The following FHIT variants were observed in gnomAD, a reference collection of about 807,000 sequenced individuals.
FHIT encodes bis(5'-adenosyl)-triphosphatase.
Under a neutral mutation model 17.9 loss-of-function variants are expected in FHIT, and 19 were observed. That is an observed-to-expected ratio of 1.06 (90% CI 0.74 to 1.56). The LOEUF is 1.56. FHIT is among the 40% of genes most tolerant of loss of function. FHIT has a pLI of 0.00. For missense variants in FHIT, 248 were observed against 189.2 expected, an observed-to-expected ratio of 1.31 and a Z score of -1.82; for synonymous variants, 81 against 69.7, an observed-to-expected ratio of 1.16 and a Z score of -0.81.
chr3:61,107,635 T>C (rs890852181), intron 2 of FHIT, among the ~76,000 whole-genome samples: 18 of 152,216 alleles, frequency 1.2e-4, no homozygotes, highest in Non-Finnish European at 1.8e-4. Context: ...TATTATCTTT[T>C]GTCTTTCTGA....
At chr3:60,140,640 G>A (rs1026853549) in intron 5 of FHIT, among the ~76,000 whole-genome samples, 42 of 148,470 alleles carry the variant, frequency 2.8e-4, no homozygotes, top group African/African-American at 8.8e-4. Flanking sequence ...GTGCAATGGC[G>A]TGATCTCAGC....
chr3:59,780,245 TAA>T (rs1194229572), intron 8 of FHIT, among the ~76,000 whole-genome samples: 1 of 152,148 alleles, frequency 6.6e-6, no homozygotes, highest in East Asian at 1.9e-4. Flanking sequence ...ACACTGTAGG[TAA>T]AGTTCCAGCT....
intron 5 of FHIT, among the ~76,000 whole-genome samples, chr3:60,078,996 G>C (rs186314365): frequency 1.3e-5 from 2 of 152,146 alleles, no homozygotes; most frequent in Non-Finnish European, 2.9e-5. Context: ...GTACCATAAA[G>C]TGTTCTTGAA....
intron 3 of FHIT, among the ~76,000 whole-genome samples, chr3:61,031,474 G>C (rs1486706939): frequency 7.5e-6 from 1 of 132,594 alleles, no homozygotes; most frequent in South Asian, 2.6e-4. Context: ...ACTTTATAGA[G>C]AGAAAGAGAT....
chr3:60,184,086 C>A (rs992904342), intron 5 of FHIT, among the ~76,000 whole-genome samples: 1 of 151,700 alleles, frequency 6.6e-6, no homozygotes. Flanking sequence ...CTCCTGGGCT[C>A]AAGTGATTCT....
intron 5 of FHIT, among the ~76,000 whole-genome samples, chr3:60,089,533 C>T (rs1188510277): frequency 6.6e-6 from 1 of 152,138 alleles, no homozygotes; most frequent in Non-Finnish European, 1.5e-5. Context: ...CCCATACAAG[C>T]TTCTGGGTTA....
chr3:60,337,718 A>C (rs773495878), intron 5 of FHIT, among the ~76,000 whole-genome samples: 3 of 152,174 alleles, frequency 2.0e-5, no homozygotes, highest in Admixed American at 6.5e-5. Context: ...AGAGTACTGA[A>C]ATAAGACAGA....
At chr3:60,351,337 G>C (rs536404031) in intron 5 of FHIT, among the ~76,000 whole-genome samples, 61 of 152,252 alleles carry the variant, frequency 4.0e-4, no homozygotes, top group South Asian at 1.0e-3. Context: ...TCAGACGCAA[G>C]CCACCTCATC....
intron 5 of FHIT, among the ~76,000 whole-genome samples, chr3:60,333,434 G>T (rs775043589): frequency 2.6e-5 from 4 of 151,138 alleles, no homozygotes; most frequent in Non-Finnish European, 5.9e-5. Context: ...CAGTATTGCT[G>T]AAACAGTTAA....
At chr3:61,222,041 G>T (rs1454125743) in intron 1 of FHIT, among the ~76,000 whole-genome samples, 3 of 152,196 alleles carry the variant, frequency 2.0e-5, no homozygotes, top group African/African-American at 7.2e-5. Context: ...CCAGTGCTCG[G>T]ATGGCCCAGC....
At chr3:60,870,276 G>C (rs562421338) in intron 3 of FHIT, among the ~76,000 whole-genome samples, 40 of 150,432 alleles carry the variant, frequency 2.7e-4, no homozygotes, top group African/African-American at 9.3e-4. Context: ...AAAAAAAACA[G>C]GTCAGCAAGA....
intron 5 of FHIT, among the ~76,000 whole-genome samples, chr3:60,193,950 A>G (rs762634348): frequency 3.3e-5 from 5 of 152,228 alleles, no homozygotes; most frequent in Non-Finnish European, 5.9e-5. Flanking sequence ...CATAGACGAC[A>G]CAAATGTGAA....
intron 5 of FHIT, among the ~76,000 whole-genome samples, chr3:60,528,541 G>A (rs1017378919): frequency 7.2e-5 from 11 of 152,108 alleles, no homozygotes; most frequent in Admixed American, 5.9e-4. Context: ...TGAGGAAGAT[G>A]ACCATTTGAT....
At chr3:60,372,659 G>A (rs367602934) in intron 5 of FHIT, among the ~76,000 whole-genome samples, 2 of 152,296 alleles carry the variant, frequency 1.3e-5, no homozygotes, top group African/African-American at 2.4e-5. Context: ...TAAAATTAGT[G>A]ACATCTACTT....
chr3:60,962,555 T>C (rs1461172538), intron 3 of FHIT, among the ~76,000 whole-genome samples: 2 of 152,246 alleles, frequency 1.3e-5, no homozygotes, highest in African/African-American at 4.8e-5. Flanking sequence ...AGTATGATAT[T>C]GGCTGTGGGT....
At chr3:59,900,227 C>CA (rs755833536) in intron 8 of FHIT, among the ~76,000 whole-genome samples, 45 of 152,148 alleles carry the variant, frequency 3.0e-4, no homozygotes, top group Non-Finnish European at 4.0e-4. Context: ...TTGGTGGCTC[C>CA]AGCCCCAGAC....
chr3:59,778,469 T>C (rs1262752818), intron 8 of FHIT, among the ~76,000 whole-genome samples: 1 of 152,162 alleles, frequency 6.6e-6, no homozygotes, highest in African/African-American at 2.4e-5. Context: ...CATTTTAGGA[T>C]GGAGCAGGGG....
chr3:60,291,379 A>T (rs569208678), intron 5 of FHIT, among the ~76,000 whole-genome samples: 1 of 152,028 alleles, frequency 6.6e-6, no homozygotes, highest in Non-Finnish European at 1.5e-5. Context: ...CCTCCACCCT[A>T]ATCTTTTATT....
chr3:60,047,966 T>C (rs1213321566), intron 5 of FHIT, among the ~76,000 whole-genome samples: 1 of 152,188 alleles, frequency 6.6e-6, no homozygotes, highest in Non-Finnish European at 1.5e-5. Flanking sequence ...GAAATTTTTC[T>C]TACAGTTCTA....
Sources: gnomAD v4.1 joint callset for allele counts (sites outside exome capture counted in the v4.1 genomes callset) on GRCh38, gnomAD v4.1.1 for gene constraint, MANE v1.5 for transcripts, NCBI Gene and HGNC (gene_info 2026-07-23, HGNC 2026-07-21) for gene names.